KLF8: variants seen among roughly 807,000 people sequenced by gnomAD.
KLF8 encodes the protein Krueppel-like factor 8.
KLF8 carries 10 observed loss-of-function variants against 18.2 expected under a neutral mutation model. The ratio of observed to expected loss-of-function variants is 0.55; its 90% CI spans 0.34 to 0.93. KLF8 has a LOEUF of 0.93. Among genes scored for constraint, KLF8 ranks in the 40% least tolerant of loss-of-function variants. The pLI is 0.02. For synonymous variants in KLF8, 109 were observed against 97.3 expected, an observed-to-expected ratio of 1.12 and a Z score of -0.71; for missense variants, 264 against 277.9, an observed-to-expected ratio of 0.95 and a Z score of 0.36.
the KLF8 span, among the ~76,000 whole-genome samples, chrX:55,959,404 G>C: frequency 8.9e-6 from 1 of 111,983 alleles, no homozygotes; most frequent in Non-Finnish European, 1.9e-5. Flanking sequence ...TCCAGCAATG[G>C]TTCTTAACCA....
chrX:55,964,814 G>T, the KLF8 span, among the ~76,000 whole-genome samples: 1 of 111,173 alleles, frequency 9.0e-6, no homozygotes, highest in Non-Finnish European at 1.9e-5. Context: ...GAACATATTC[G>T]TGAATTCCTG....
chrX:56,270,032 A>T, intron 4 of KLF8, 150 bp from the exon 5 acceptor site: 1 of 541,350 alleles, frequency 1.8e-6, no homozygotes, highest in Non-Finnish European at 2.9e-6. Context: ...AATTGTTTTT[A>T]CTATTCCAAT....
At chrX:56,210,878 CTTGA>C in the KLF8 span, among the ~76,000 whole-genome samples, 4 of 109,082 alleles carry the variant, frequency 3.7e-5, no homozygotes, top group African/African-American at 6.7e-5. Flanking sequence ...AGAATTTCTG[CTTGA>C]TTATTTTTAA....
chrX:56,173,861 A>G, the KLF8 span, among the ~76,000 whole-genome samples: 5 of 111,651 alleles, frequency 4.5e-5, no homozygotes, highest in East Asian at 1.4e-3. Flanking sequence ...CTTTGAAGCA[A>G]TCCTGAATGG....
the KLF8 span, among the ~76,000 whole-genome samples, chrX:56,048,456 G>A: frequency 8.9e-6 from 1 of 111,829 alleles, no homozygotes; most frequent in Non-Finnish European, 1.9e-5. Context: ...AAGGTGTAAG[G>A]AAGGGATCCA....
chrX:56,158,798 G>A, the KLF8 span, among the ~76,000 whole-genome samples: 1 of 111,660 alleles, frequency 9.0e-6, no homozygotes, highest in African/African-American at 3.3e-5. Flanking sequence ...TGAGACAATG[G>A]GGTTTTCTAG....
At chrX:56,156,029 C>T in the KLF8 span, among the ~76,000 whole-genome samples, 2 of 111,320 alleles carry the variant, frequency 1.8e-5, no homozygotes, top group South Asian at 7.5e-4. Context: ...CATACATGTG[C>T]CACATTTTCT....
intron 1 of KLF8, among the ~76,000 whole-genome samples, chrX:56,234,360 T>C (rs1370905632): frequency 8.9e-6 from 1 of 112,089 alleles, no homozygotes; most frequent in African/African-American, 3.2e-5. Context: ...AGAATGCAGA[T>C]TAATAATTCT....
At chrX:56,235,001 T>A (rs1228036860) in intron 1 of KLF8, among the ~76,000 whole-genome samples, 1 of 111,595 alleles carries the variant, frequency 9.0e-6, no homozygotes, top group Non-Finnish European at 1.9e-5. Flanking sequence ...GAGCTATACA[T>A]CCCTCTTGTT....
the KLF8 span, among the ~76,000 whole-genome samples, chrX:55,933,411 A>G: frequency 8.9e-6 from 1 of 112,014 alleles, no homozygotes; most frequent in Non-Finnish European, 1.9e-5. Context: ...CTCTTGCTGA[A>G]ATAAAGCTCT....
the KLF8 span, among the ~76,000 whole-genome samples, chrX:56,194,300 C>G: frequency 1.8e-5 from 2 of 111,621 alleles, no homozygotes; most frequent in African/African-American, 6.5e-5. Context: ...TGGGGGATAT[C>G]CCTTTCCTAC....
At chrX:55,922,504 T>C in the KLF8 span, among the ~76,000 whole-genome samples, 1 of 112,376 alleles carries the variant, frequency 8.9e-6, no homozygotes, top group Non-Finnish European at 1.9e-5. Flanking sequence ...AAATAGCTAA[T>C]GCATGTGGGG....
chrX:55,943,640 T>G, the KLF8 span, among the ~76,000 whole-genome samples: 1 of 111,681 alleles, frequency 9.0e-6, no homozygotes, highest in Non-Finnish European at 1.9e-5. Flanking sequence ...CTCTAGGAGG[T>G]GAAAACTTAA....
At chrX:55,946,644 A>T in the KLF8 span, among the ~76,000 whole-genome samples, 2 of 111,846 alleles carry the variant, frequency 1.8e-5, no homozygotes, top group Admixed American at 9.6e-5. Flanking sequence ...ATGGGATCTG[A>T]TTAAACTCAA....
chrX:55,915,127 CAGAGT>C, the KLF8 span, among the ~76,000 whole-genome samples: 1 of 110,340 alleles, frequency 9.1e-6, no homozygotes, highest in South Asian at 3.9e-4. Context: ...GATTACTAGT[CAGAGT>C]AGTCAAAGCA....
chrX:56,282,221 C>T (rs1417338619), intron 5 of KLF8, among the ~76,000 whole-genome samples: 1 of 112,309 alleles, frequency 8.9e-6, no homozygotes, highest in Non-Finnish European at 1.9e-5. Context: ...CAGATCTTTC[C>T]TCCTTGGAGA....
the KLF8 span, among the ~76,000 whole-genome samples, chrX:56,190,438 C>CA: frequency 4.5e-5 from 5 of 111,690 alleles, no homozygotes; most frequent in Admixed American, 9.5e-5. Context: ...AGGAAATCAA[C>CA]AAAGAATAAT....
chrX:56,212,129 TG>T, the KLF8 span, among the ~76,000 whole-genome samples: 2 of 111,387 alleles, frequency 1.8e-5, no homozygotes, highest in South Asian at 3.8e-4. Flanking sequence ...GGGCCTGGAA[TG>T]GGGGTGTCAC....
In KLF8 at chrX:56,232,908, C is replaced by T. The variant is rs1271169464; in HGVS notation, c.-427C>T. 2 of 137,944 alleles carry T rather than the reference C, an allele frequency of 1.4e-5. No homozygotes were observed. Among genetic ancestry groups the T allele is most frequent in the Admixed American group, 1.6e-4 (2 of 12,630 alleles). 11.4% of individuals were successfully genotyped at this position (137,944 alleles called of 1,213,427 possible). A position where few individuals can be genotyped will look rare whatever the true frequency, so the allele number is the denominator to read the frequency against. On this transcript the variant is annotated 5_prime_UTR_variant, in exon 1 of 6. Transcript: ENST00000468660. ...GAGGATGGGTGGAGAGCGGGCTTGGCCGGAACTGAATTGGTAGAGGTAAAA... is the reference window on the plus strand; with the variant it reads ...GAGGATGGGTGGAGAGCGGGCTTGGTCGGAACTGAATTGGTAGAGGTAAAA...
Sources: gnomAD v4.1 joint callset for allele counts (sites outside exome capture counted in the v4.1 genomes callset) on GRCh38, gnomAD v4.1.1 for gene constraint, MANE v1.5 for transcripts, NCBI Gene and HGNC (gene_info 2026-07-23, HGNC 2026-07-21) for gene names.